The following SLC6A2 variants were observed in gnomAD, a reference collection of about 807,000 sequenced individuals.
The protein encoded by SLC6A2 is solute carrier family 6 member 2, also known as sodium-dependent noradrenaline transporter.
Under a neutral mutation model 71.7 loss-of-function variants are expected in SLC6A2, and 26 were observed. That is an observed-to-expected ratio of 0.36 (90% CI 0.27 to 0.50). SLC6A2 has a LOEUF of 0.50. Among genes scored for constraint, SLC6A2 ranks in the 20% least tolerant of loss-of-function variants. SLC6A2 has a pLI of 0.96. For synonymous variants in SLC6A2, 363 were observed against 337.9 expected, an observed-to-expected ratio of 1.07 and a Z score of -0.82; for missense variants, 581 against 803.9, an observed-to-expected ratio of 0.72 and a Z score of 3.35.
intron 4 of SLC6A2, among the ~76,000 whole-genome samples, chr16:55,684,300 CAAA>C (rs34610275): frequency 2.3e-5 from 3 of 132,996 alleles, no homozygotes; most frequent in African/African-American, 5.8e-5. Context: ...GAGCCTGTCT[CAAA>C]AAAAAAAAAA....
At chr16:55,693,518 G>A (rs1965701664) in intron 6 of SLC6A2, among the ~76,000 whole-genome samples, 1 of 152,226 alleles carries the variant, frequency 6.6e-6, no homozygotes, top group South Asian at 2.1e-4. Flanking sequence ...AGATCTTCAG[G>A]CCTCCGGCCA....
Position 55,703,293 on chromosome 16 carries a change from G to A in SLC6A2, c.*947G>A. The A allele has an allele frequency of 1.0e-6, 1 of 985,502 alleles. No homozygotes were observed. Among genetic ancestry groups the A allele is most frequent in the South Asian group, 4.7e-5 (1 of 21,286 alleles). The allele number at this position is 985,502 out of a possible 1,614,324, so 61.0% of individuals were successfully genotyped here. On this transcript the variant is annotated 3_prime_UTR_variant, in exon 15 of 15. Transcript: ENST00000568943. ...GTGCTGTCCTCACAAGGCCAGGTGG[G>A]TGCCCAAAGGGAGCCTGACAGGCTG...
At chr16:55,695,134 G>A (rs756656197) in intron 7 of SLC6A2, 144 bp from the exon 8 acceptor site, 2 of 886,842 alleles carry the variant, frequency 2.3e-6, no homozygotes, top group Non-Finnish European at 1.9e-6. Flanking sequence ...GTGAGGCCCT[G>A]TATCCATGTG....
chr16:55,692,200 C>G, intron 6 of SLC6A2, 148 bp downstream of exon 6: 1 of 933,402 alleles, frequency 1.1e-6, no homozygotes, highest in Non-Finnish European at 1.7e-6. Context: ...GTGCAGCTTC[C>G]CCATCTGACC....
chr16:55,672,154 C>G lies in SLC6A2; in HGVS notation c.623C>G (p.Thr208Arg). ...ACCAAGTACTCCAAGTACAAGTTCACGCCGGCAGCCGAGTTTTATGAGTAA... is the reference window on the plus strand; with the variant it reads ...ACCAAGTACTCCAAGTACAAGTTCAGGCCGGCAGCCGAGTTTTATGAGTAA... ...NHTKYSKYKFTPAAEFYERGV... is the reference protein window; with the variant it reads ...NHTKYSKYKFRPAAEFYERGV... Residue 208 changes from threonine to arginine, a missense_variant, in exon 4 of 15, where the codon ACG becomes AGG. Thr to Arg is a moderately conservative substitution (Grantham distance 71, BLOSUM62 -1). Around this residue, in one of 5 missense-constraint regions of SLC6A2, gnomAD observed 87 missense variants for 99.5 expected, o/e 0.87. Coordinates refer to ENST00000568943, the MANE Select transcript of SLC6A2 (RefSeq NM_001172501.3). 6.2e-7 allele frequency: 1 copy of G among 1,614,168 alleles called. No individual in the cohort carries two copies. The highest frequency in any genetic ancestry group is 8.5e-7 in the Non-Finnish European group (1 of 1,180,020).
At chr16:55,660,480 G>A (rs577085932) in intron 2 of SLC6A2, among the ~76,000 whole-genome samples, 5 of 152,244 alleles carry the variant, frequency 3.3e-5, no homozygotes, top group South Asian at 4.1e-4. Flanking sequence ...TTATCTCTGC[G>A]GAGGCCTCCT....
intron 2 of SLC6A2, among the ~76,000 whole-genome samples, chr16:55,665,861 G>A (rs1964735654): frequency 6.6e-6 from 1 of 152,246 alleles, no homozygotes; most frequent in South Asian, 2.1e-4. Flanking sequence ...GGGAGGCAGT[G>A]TGGTTGGGCC....
chr16:55,665,747 C>T (rs1964731465), intron 2 of SLC6A2, among the ~76,000 whole-genome samples: 1 of 152,170 alleles, frequency 6.6e-6, no homozygotes, highest in Non-Finnish European at 1.5e-5. Context: ...ACATCCCACT[C>T]TAAACCTAAT....
At chr16:55,660,636 T>C (rs1420933346) in intron 2 of SLC6A2, among the ~76,000 whole-genome samples, 1 of 152,228 alleles carries the variant, frequency 6.6e-6, no homozygotes, top group East Asian at 1.9e-4. Context: ...GCTCTGCCTC[T>C]CAGTGTGTGA....
Position 55,702,612 on chromosome 16 carries a change from C to T in SLC6A2, c.*266C>T. 2 of 1,397,046 alleles carry T rather than the reference C, an allele frequency of 1.4e-6. No homozygotes were observed. Among genetic ancestry groups the T allele is most frequent in the Non-Finnish European group, 1.9e-6 (2 of 1,075,732 alleles). The allele number at this position is 1,397,046 out of a possible 1,614,324, so 86.5% of individuals were successfully genotyped here. A position where few individuals can be genotyped will look rare whatever the true frequency, so the allele number is the denominator to read the frequency against. ...GTCCCCGCTGTTTTGGGGGAAGTCT[C>T]TCCCACTTTGGGATCCTGCTGAAGC... On this transcript the variant is annotated 3_prime_UTR_variant, in exon 15 of 15. Coordinates refer to ENST00000568943, the MANE Select transcript of SLC6A2 (RefSeq NM_001172501.3).
chr16:55,685,433 G>A, intron 5 of SLC6A2, 152 bp downstream of exon 5: 7 of 806,662 alleles, frequency 8.7e-6, no homozygotes, highest in South Asian at 8.5e-5. Flanking sequence ...CACTGACTTG[G>A]ACAAATCCCT....
At chr16:55,685,316 G>T (rs11568340) in intron 5 of SLC6A2, 35 bp downstream of exon 5, 5 of 1,605,738 alleles carry the variant, frequency 3.1e-6, no homozygotes, top group East Asian at 2.2e-5. Flanking sequence ...ACTTACTTGG[G>T]TGATCAACCT....
At chr16:55,676,123 A>G (rs1204600239) in intron 4 of SLC6A2, among the ~76,000 whole-genome samples, 1 of 152,218 alleles carries the variant, frequency 6.6e-6, no homozygotes, top group Non-Finnish European at 1.5e-5. Flanking sequence ...TAACAGGCAT[A>G]TGTAAAAATT....
chr16:55,668,583 C>T (rs1457768956), intron 2 of SLC6A2, among the ~76,000 whole-genome samples: 1 of 152,124 alleles, frequency 6.6e-6, no homozygotes, highest in Non-Finnish European at 1.5e-5. Context: ...TTGCTTTGGG[C>T]ACACTTGCAA....
intron 4 of SLC6A2, among the ~76,000 whole-genome samples, chr16:55,681,849 T>C (rs1965281587): frequency 6.6e-6 from 1 of 152,248 alleles, no homozygotes; most frequent in Non-Finnish European, 1.5e-5. Context: ...AAAGCCACCT[T>C]CCAGGGAAGG....
At chr16:55,698,386 G>C in intron 10 of SLC6A2, 83 bp from the exon 11 acceptor site, 1 of 959,512 alleles carries the variant, frequency 1.0e-6, no homozygotes, top group South Asian at 1.3e-5. Context: ...GGGACAGGGG[G>C]CAGGTAAGAG....
At chr16:55,691,353 C>G (rs1459663175) in intron 5 of SLC6A2, among the ~76,000 whole-genome samples, 2 of 151,058 alleles carry the variant, frequency 1.3e-5, no homozygotes, top group Non-Finnish European at 2.9e-5. Context: ...GTGATGGACA[C>G]AGGACTGATG....
chr16:55,686,546 C>A (rs10521329), intron 5 of SLC6A2, among the ~76,000 whole-genome samples: 30,753 of 152,060 alleles, frequency 0.2, 3,414 homozygotes, highest in African/African-American at 0.28. Flanking sequence ...AACAGTCTAC[C>A]TTAATCAGGT....
chr16:55,657,629 C>T (rs1376594203), intron 2 of SLC6A2, among the ~76,000 whole-genome samples: 1 of 152,190 alleles, frequency 6.6e-6, no homozygotes. Context: ...GCCTGGTCCT[C>T]AAGGCAGGAG....
Sources: gnomAD v4.1 joint callset for allele counts (sites outside exome capture counted in the v4.1 genomes callset) on GRCh38, gnomAD v4.1.1 for gene constraint, gnomAD v4.1.1 regional missense constraint, MANE v1.5 for transcripts, NCBI Gene and HGNC (gene_info 2026-07-23, HGNC 2026-07-21) for gene names.